ZNF343: variants seen among roughly 807,000 people sequenced by gnomAD.
ZNF343 encodes the protein zinc finger protein 343.
ZNF343 carries 11 observed loss-of-function variants against 13.8 expected under a neutral mutation model. The observed-to-expected ratio is 0.80, with a 90% CI of 0.50 to 1.32. The LOEUF is 1.32. ZNF343 is among the 40% of genes most tolerant of loss of function. ZNF343 has a pLI of 0.00. For missense variants in ZNF343, 658 were observed against 714.2 expected, an observed-to-expected ratio of 0.92 and a Z score of 0.90; for synonymous variants, 248 against 260.0, an observed-to-expected ratio of 0.95 and a Z score of 0.44.
Position 2,482,985 on chromosome 20 carries a change from G to A in ZNF343, c.*176C>T. On this transcript the variant is annotated 3_prime_UTR_variant, in exon 6 of 6. Transcript: ENST00000278772. Reference sequence around the variant, plus strand: ...AGTTGCCCGTACTCTATACTCATAAGGCTCCTCTCCTGAACGTGTCCCTCC... The same window carrying A: ...AGTTGCCCGTACTCTATACTCATAAAGCTCCTCTCCTGAACGTGTCCCTCC... 1 of 730,844 alleles carries A rather than the reference G, an allele frequency of 1.4e-6. No individual in the cohort carries two copies. Among genetic ancestry groups the A allele is most frequent in the South Asian group, 2.0e-5 (1 of 51,176 alleles). 45.3% of individuals were successfully genotyped at this position (730,844 alleles called of 1,614,324 possible).
chr20:2,486,625 G>C (rs940919613), intron 5 of ZNF343: 1 of 152,338 alleles, frequency 6.6e-6, no homozygotes, highest in South Asian at 2.1e-4. Flanking sequence ...AATTAGCCAG[G>C]TGTGGTGGCA....
intron 5 of ZNF343, among the ~76,000 whole-genome samples, chr20:2,485,280 C>G (rs752536224): frequency 6.6e-6 from 1 of 152,116 alleles, no homozygotes; most frequent in Non-Finnish European, 1.5e-5. Flanking sequence ...ATTCTGGCAC[C>G]AAGCCAAAAC....
chr20:2,498,182 C>G (rs2085492716), intron 2 of ZNF343, among the ~76,000 whole-genome samples: 1 of 152,058 alleles, frequency 6.6e-6, no homozygotes, highest in Admixed American at 6.6e-5. Context: ...CACGGAGAAG[C>G]CCTGTCTCCT....
chr20:2,491,467 T>C (rs886298273), intron 5 of ZNF343, among the ~76,000 whole-genome samples: 2 of 152,224 alleles, frequency 1.3e-5, no homozygotes, highest in Non-Finnish European at 2.9e-5. Context: ...TAGACAGCAC[T>C]GATCTAGAAC....
rs550733893 is a variant in ZNF343, at chr20:2,508,663, C to T, written c.-237+218G>A. On this transcript the variant is annotated intron_variant, in intron 1 of 5. Coordinates refer to ENST00000278772, the MANE Select transcript of ZNF343 (RefSeq NM_024325.6). The surrounding 1 kb of genome is among the most constrained non-coding windows in gnomAD (Gnocchi z 4.5). Reference sequence around the variant, plus strand: ...TCGTCCCCCCGGGGGGAAAAAAGGTCCGCGGAGGTCCGGGCAAGCAGGGGC... The same window carrying T: ...TCGTCCCCCCGGGGGGAAAAAAGGTTCGCGGAGGTCCGGGCAAGCAGGGGC... 6.6e-6 allele frequency: 1 copy of T among 152,416 alleles called. No individual in the cohort carries two copies. The highest frequency in any genetic ancestry group is 6.5e-5 in the Admixed American group (1 of 15,304). 9.4% of individuals were successfully genotyped at this position (152,416 alleles called of 1,614,324 possible).
At chr20:2,515,087 G>T (rs924767743) in intron 1 of ZNF343, among the ~76,000 whole-genome samples, 2 of 151,304 alleles carry the variant, frequency 1.3e-5, no homozygotes, top group Non-Finnish European at 2.9e-5. Context: ...AGAAAGAGAA[G>T]AAGAAGCCAA....
intron 2 of ZNF343, among the ~76,000 whole-genome samples, chr20:2,499,944 GT>G (rs1321128440): frequency 1.4e-4 from 21 of 152,152 alleles, no homozygotes; most frequent in Non-Finnish European, 2.4e-4. Context: ...ACAATCTAGA[GT>G]TAAGACATTA....
At chr20:2,503,972 A>T (rs1180257844) in intron 1 of ZNF343, among the ~76,000 whole-genome samples, 1 of 152,236 alleles carries the variant, frequency 6.6e-6, no homozygotes, top group Admixed American at 6.5e-5. Context: ...AGCAGAACTG[A>T]CGGAAATAGA....
chr20:2,512,672 A>G (rs1410714249), upstream of ZNF343, among the ~76,000 whole-genome samples: 1 of 152,242 alleles, frequency 6.6e-6, no homozygotes, highest in Non-Finnish European at 1.5e-5. Flanking sequence ...CTCAAAGACT[A>G]TAAAGATCTA....
rs2085314394 is a variant in ZNF343, at chr20:2,488,327, T to C, written c.305-3671A>G. 7.2e-5 allele frequency among the ~76,000 whole-genome samples: 11 copies of C among 151,872 alleles called. No homozygotes were observed. In the Admixed American group the frequency reaches 7.2e-4, roughly 10 times the overall value. On this transcript the variant is annotated intron_variant, in intron 5 of 5. Coordinates refer to ENST00000278772, the MANE Select transcript of ZNF343 (RefSeq NM_024325.6). ...GTGTGTGGTATATGGTCCAATGTTA[T>C]GTTTTTCCAAATGGATATCTAGTTG...
intron 5 of ZNF343, 28 bp downstream of exon 5, chr20:2,492,671 T>C: frequency 6.2e-7 from 1 of 1,601,154 alleles, no homozygotes; most frequent in Non-Finnish European, 8.5e-7. Flanking sequence ...ACTGAATTAA[T>C]GAAGGAAAGG....
Position 2,483,378 on chromosome 20 carries a change from C to A in ZNF343, c.1583G>T (p.Arg528Leu). Residue 528 changes from arginine to leucine, a missense_variant, in exon 6 of 6, where the codon CGA (arginine) becomes CTA (leucine). Physicochemically the swap from Arg to Leu is moderately radical, Grantham distance 102 (BLOSUM62 -2). Coordinates refer to ENST00000278772, the MANE Select transcript of ZNF343 (RefSeq NM_024325.6). ...GAGGGTTGACTTGTCACAAAAGCCT[C>A]GCCCACATTCCCTGCAAATATAAGG... is the stretch of plus-strand genomic sequence containing the variant. ...EKPYICRECG[R>L]GFCDKSTLIV... 6.2e-7 allele frequency: 1 copy of A among 1,612,606 alleles called. No homozygotes were observed. The highest frequency in any genetic ancestry group is 8.5e-7 in the Non-Finnish European group (1 of 1,179,796).
Position 2,524,251 on chromosome 20 carries a change from C to T in ZNF343, c.-347+204G>A, listed in dbSNP as rs1481582358. Among the ~76,000 whole-genome samples the T allele has an allele frequency of 2.6e-5, 4 of 152,126 alleles. No individual in the cohort carries two copies. In the South Asian group the frequency reaches 6.2e-4, roughly 24 times the overall value. On this transcript the variant is annotated intron_variant, in intron 1 of 6. Transcript: ENST00000358413. The stretch of plus-strand genomic sequence containing the variant: ...GCTTGAGCTGGGGAGGTCGAGGCTG[C>T]AGTGAGGCATGATCATACCACTGCA...
intron 1 of ZNF343, among the ~76,000 whole-genome samples, chr20:2,516,866 G>A (rs977986265): frequency 2.6e-5 from 4 of 152,084 alleles, no homozygotes; most frequent in African/African-American, 9.7e-5. Context: ...GGTAAAGGTG[G>A]GCGTGAGGTT....
rs2085707258 is a variant in ZNF343 at position 2,508,621 on chromosome 20, AG to A, written c.-237+259del. Among the ~76,000 whole-genome samples the A allele has an allele frequency of 6.6e-6, 1 of 152,172 alleles. No homozygotes were observed. The highest frequency in any genetic ancestry group is 1.5e-5 in the Non-Finnish European group (1 of 68,028). Reference sequence around the variant, plus strand: ...TCCCGCCTGGTTCAAGACAGGCATTAGAGTTCTAGGTCACTCTCGTCCCCCC... The same window carrying A: ...TCCCGCCTGGTTCAAGACAGGCATTAAGTTCTAGGTCACTCTCGTCCCCCC... On this transcript the variant is annotated intron_variant, in intron 1 of 5. Transcript: ENST00000278772. The surrounding 1 kb of genome is among the most constrained non-coding windows in gnomAD (Gnocchi z 4.5).
chr20:2,522,246 G>T (rs2085785776), intron 1 of ZNF343, among the ~76,000 whole-genome samples: 1 of 152,172 alleles, frequency 6.6e-6, no homozygotes, highest in Non-Finnish European at 1.5e-5. Flanking sequence ...TTAGGTTAAG[G>T]ACATATTCCT....
At chr20:2,519,107 G>T (rs190009525) in intron 1 of ZNF343, among the ~76,000 whole-genome samples, 247 of 152,254 alleles carry the variant, frequency 1.6e-3, no homozygotes, top group African/African-American at 5.6e-3. Flanking sequence ...GTCTTGGGTA[G>T]TTCTTTATAG....
At chr20:2,520,065 A>G (rs2085775860) in intron 1 of ZNF343, among the ~76,000 whole-genome samples, 1 of 152,168 alleles carries the variant, frequency 6.6e-6, no homozygotes, top group South Asian at 2.1e-4. Context: ...TAGCTTGTTT[A>G]CTGCTTGGTT....
chr20:2,483,822 G>A lies in ZNF343; in HGVS notation c.1139C>T (p.Pro380Leu). Residue 380 changes from proline (P) to leucine (L), a missense_variant, in exon 6 of 6, where the codon CCC becomes CTC. By Grantham distance (98) the Pro-to-Leu change is moderately conservative (BLOSUM62 -3). Coordinates refer to ENST00000278772, the MANE Select transcript of ZNF343 (RefSeq NM_024325.6). ...RHQRTHSGEK[P>L]YVCLECGRSF... Reference sequence around the variant, plus strand: ...TCGTCCACACTCCAGGCACACATAGGGTTTCTCACCGGAGTGTGTCCTCTG... The same window carrying A: ...TCGTCCACACTCCAGGCACACATAGAGTTTCTCACCGGAGTGTGTCCTCTG... The A allele has an allele frequency of 6.2e-7, 1 of 1,613,448 alleles. No homozygotes were observed. The highest frequency in any genetic ancestry group is 8.5e-7 in the Non-Finnish European group (1 of 1,179,826).
Sources: allele counts gnomAD v4.1 joint callset (sites outside exome capture counted in the v4.1 genomes callset), GRCh38; gene constraint gnomAD v4.1.1; non-coding constraint Gnocchi (gnomAD v3.1); transcripts MANE v1.5; gene names NCBI Gene and HGNC (gene_info 2026-07-23, HGNC 2026-07-21).